Variants in MTUS2 observed in about 807,000 individuals in gnomAD.
MTUS2 encodes microtubule associated scaffold protein 2, also known as microtubule-associated tumor suppressor candidate 2.
MTUS2 carries 40 observed loss-of-function variants against 114.1 expected under a neutral mutation model. The observed-to-expected ratio is 0.35, with a 90% CI of 0.27 to 0.46. The LOEUF (loss-of-function observed/expected upper bound fraction) is 0.46, where lower values mean the gene tolerates loss of function less well. Among genes scored for constraint, MTUS2 ranks in the 20% least tolerant of loss-of-function variants. MTUS2 has a pLI of 1.00. For synonymous variants in MTUS2, 688 were observed against 672.0 expected, an observed-to-expected ratio of 1.02 and a Z score of -0.37; for missense variants, 1,679 against 1,705.4, an observed-to-expected ratio of 0.98 and a Z score of 0.27.
At chr13:28,819,980 G>A (rs1297214144), upstream of MTUS2, among the ~76,000 whole-genome samples, 1 of 147,280 alleles carries the variant, frequency 6.8e-6, no homozygotes, top group Non-Finnish European at 1.5e-5. Context: ...TCTCCGGGCG[G>A]CCGGGAGGGG....
At chr13:28,972,573 G>A (rs1042361810) in intron 2 of MTUS2, among the ~76,000 whole-genome samples, 13 of 152,118 alleles carry the variant, frequency 8.5e-5, no homozygotes, top group Non-Finnish European at 1.5e-5. Flanking sequence ...TGAAAGCACA[G>A]CCACTTAGGT....
At chr13:29,153,509 A>G (rs1892740927) in intron 5 of MTUS2, among the ~76,000 whole-genome samples, 1 of 152,122 alleles carries the variant, frequency 6.6e-6, no homozygotes, top group African/African-American at 2.4e-5. Context: ...AGGGGGCAGG[A>G]ACCTCCTAGT....
intron 8 of MTUS2, among the ~76,000 whole-genome samples, chr13:29,362,021 G>A (rs774412936): frequency 5.3e-5 from 8 of 152,148 alleles, no homozygotes; most frequent in Non-Finnish European, 1.2e-4. Flanking sequence ...CATCACTGTA[G>A]GAATAACATC....
In MTUS2 at chr13:28,860,410, C is replaced by T. The variant is rs74712157; in HGVS notation, c.-243+20560C>T. ...TGAGATGTCAGGTACCATCACCAGG[C>T]CGGAATGTGGGATTTGGAAAGGAGA... On this transcript the variant is annotated intron_variant, in intron 2 of 15. Transcript: ENST00000612955. Among the ~76,000 whole-genome samples, 369 of 152,224 alleles carry T rather than the reference C, an allele frequency of 2.4e-3. 4 individuals carry two copies. The highest frequency in any genetic ancestry group is 2.1e-3 in the Non-Finnish European group (146 of 68,012).
At chr13:29,017,781 G>A (rs1186917313) in intron 2 of MTUS2, among the ~76,000 whole-genome samples, 1 of 151,932 alleles carries the variant, frequency 6.6e-6, no homozygotes, top group East Asian at 1.9e-4. Context: ...CTCATCTGGA[G>A]TGCCTACTAT....
intron 2 of MTUS2, among the ~76,000 whole-genome samples, chr13:28,929,595 G>T (rs1320674398): frequency 6.6e-6 from 1 of 152,132 alleles, no homozygotes; most frequent in African/African-American, 2.4e-5. Context: ...CTTGAGCACC[G>T]CTATGAAGGG....
intron 8 of MTUS2, among the ~76,000 whole-genome samples, chr13:29,422,648 C>CTTTTTTTTTTTTTT (rs11342823): frequency 1.5e-5 from 1 of 67,964 alleles, no homozygotes; most frequent in African/African-American, 5.8e-5. Flanking sequence ...GATTTCTTTT[C>CTTTTTTTTTTTTTT]TTTTTTTTTT....
chr13:29,271,812 G>A (rs999306866), intron 5 of MTUS2, among the ~76,000 whole-genome samples: 23 of 152,182 alleles, frequency 1.5e-4, no homozygotes, highest in Non-Finnish European at 2.8e-4. Flanking sequence ...TTATCCCTGA[G>A]GTTTAGCACA....
intron 5 of MTUS2, among the ~76,000 whole-genome samples, chr13:29,223,930 C>G (rs1426527078): frequency 1.3e-5 from 2 of 152,246 alleles, no homozygotes; most frequent in African/African-American, 4.8e-5. Context: ...CCAACCACAG[C>G]CTTGCACGGA....
At chr13:28,862,268 T>C (rs1877033854) in intron 2 of MTUS2, among the ~76,000 whole-genome samples, 1 of 152,110 alleles carries the variant, frequency 6.6e-6, no homozygotes, top group Non-Finnish European at 1.5e-5. Context: ...GATTACATAG[T>C]AAATTAACAG....
chr13:28,984,541 A>G (rs552761274), intron 2 of MTUS2, among the ~76,000 whole-genome samples: 1 of 152,286 alleles, frequency 6.6e-6, no homozygotes, highest in Admixed American at 6.5e-5. Context: ...ACTCTCTGTC[A>G]TGGAGTGAAG....
chr13:28,956,464 A>G (rs1279880489), intron 2 of MTUS2, among the ~76,000 whole-genome samples: 2 of 152,102 alleles, frequency 1.3e-5, no homozygotes, highest in African/African-American at 4.8e-5. Context: ...TGTATGAAAC[A>G]TCCCAGTAAA....
intron 9 of MTUS2, among the ~76,000 whole-genome samples, chr13:29,470,536 A>T (rs181455314): frequency 2.6e-5 from 4 of 152,296 alleles, no homozygotes; most frequent in Admixed American, 2.6e-4. Context: ...TGGGCTCCAA[A>T]CACATTCTCC....
chr13:29,021,122 C>T (rs1173907574), intron 2 of MTUS2, among the ~76,000 whole-genome samples: 1 of 152,062 alleles, frequency 6.6e-6, no homozygotes, highest in Non-Finnish European at 1.5e-5. Context: ...AAAAAATTAG[C>T]CAGATGTGGT....
At chr13:29,447,415 A>T (rs1232025011) in intron 9 of MTUS2, among the ~76,000 whole-genome samples, 1 of 152,084 alleles carries the variant, frequency 6.6e-6, no homozygotes, top group Non-Finnish European at 1.5e-5. Flanking sequence ...TTTAAGGCAA[A>T]TAGAGCTATT....
Position 29,418,515 on chromosome 13 carries a change from A to C in MTUS2, c.3118-21468A>C, listed in dbSNP as rs554519607. Among the ~76,000 whole-genome samples, 4 of 152,320 alleles carry C rather than the reference A, an allele frequency of 2.6e-5. No homozygotes were observed. In the South Asian group the frequency reaches 8.3e-4, roughly 32 times the overall value. On this transcript the variant is annotated intron_variant, in intron 8 of 15. Transcript: ENST00000612955. The stretch of plus-strand genomic sequence containing the variant: ...CTATTTCACTTCTAGGAATATCATG[A>C]TCAGCTAGCCAACTTCCGTAGTTCT...
intron 4 of MTUS2, among the ~76,000 whole-genome samples, chr13:29,088,093 A>G (rs1313210198): frequency 7.6e-6 from 1 of 131,184 alleles, no homozygotes; most frequent in Non-Finnish European, 1.7e-5. Flanking sequence ...GAATTTTCTA[A>G]CTTTCTGGTG....
chr13:29,211,370 T>A (rs1895426985), intron 5 of MTUS2, among the ~76,000 whole-genome samples: 1 of 152,298 alleles, frequency 6.6e-6, no homozygotes, highest in Non-Finnish European at 1.5e-5. Context: ...CAAGCCTCCC[T>A]GCTGAGAAAG....
intron 2 of MTUS2, among the ~76,000 whole-genome samples, chr13:28,869,651 G>C (rs1285167637): frequency 1.3e-5 from 2 of 152,050 alleles, no homozygotes; most frequent in Admixed American, 6.6e-5. Context: ...CGTGCCTGTA[G>C]TTCCAGCTAC....
Sources: gnomAD v4.1 joint callset for allele counts (sites outside exome capture counted in the v4.1 genomes callset) on GRCh38, gnomAD v4.1.1 for gene constraint, MANE v1.5 for transcripts, NCBI Gene and HGNC (gene_info 2026-07-23, HGNC 2026-07-21) for gene names.